The following ELL2 variants were observed in gnomAD, a reference collection of about 807,000 sequenced individuals.
ELL2 encodes the protein elongation factor for RNA polymerase II 2.
Under a neutral mutation model 72.8 loss-of-function variants are expected in ELL2, and 21 were observed. The ratio of observed to expected loss-of-function variants is 0.29; its 90% confidence interval spans 0.20 to 0.42. The LOEUF (loss-of-function observed/expected upper bound fraction) is 0.42, where lower values mean the gene tolerates loss of function less well. Among genes scored for constraint, ELL2 ranks in the 10% least tolerant of loss-of-function variants. ELL2 has a pLI of 1.00. For synonymous variants in ELL2, 266 were observed against 283.2 expected (o/e 0.94, Z 0.61); for missense variants, 568 against 772.8 (o/e 0.73, Z 3.14).
intron 1 of ELL2, 147 bp downstream of exon 1, chr5:95,961,428 T>TGCCCG: frequency 9.9e-7 from 1 of 1,011,776 alleles, no homozygotes; most frequent in Non-Finnish European, 1.3e-6. Flanking sequence ...TCAGCCACCC[T>TGCCCG]GCCCGGCCCT....
At chr5:95,907,347 TAACC>T (rs199581845) in intron 4 of ELL2, among the ~76,000 whole-genome samples, 7 of 147,838 alleles carry the variant, frequency 4.7e-5, no homozygotes, top group Admixed American at 1.3e-4. Context: ...AAAACAAAAC[TAACC>T]AACCAACCAA....
intron 1 of ELL2, among the ~76,000 whole-genome samples, chr5:95,944,190 TGAAAGA>T (rs1751072394): frequency 6.6e-6 from 1 of 151,944 alleles, no homozygotes; most frequent in African/African-American, 2.4e-5. Context: ...TTATAATAAA[TGAAAGA>T]GAAAGAGAAA....
At chr5:95,892,308 G>A (rs1370738737) in intron 9 of ELL2, among the ~76,000 whole-genome samples, 2 of 151,978 alleles carry the variant, frequency 1.3e-5, no homozygotes, top group Non-Finnish European at 2.9e-5. Flanking sequence ...CACCATGCCC[G>A]GCTAATTTTT....
intron 1 of ELL2, among the ~76,000 whole-genome samples, chr5:95,950,255 T>C (rs1050348332): frequency 3.3e-5 from 5 of 152,204 alleles, no homozygotes; most frequent in African/African-American, 1.2e-4. Flanking sequence ...CCTATGCTAT[T>C]TAAGAACTGG....
At chr5:95,954,478 CTCACTGCAAGCTCTGCCTCCCGGGT>C (rs1212707636) in intron 1 of ELL2, among the ~76,000 whole-genome samples, 1 of 147,518 alleles carries the variant, frequency 6.8e-6, no homozygotes, top group East Asian at 2.0e-4. Context: ...GCGATGTTGG[CTCACTGCAAGCTCTGCCTCCCGGGT>C]TCACACCATT....
chr5:95,898,119 G>T, intron 8 of ELL2, 121 bp downstream of exon 8: 8 of 680,540 alleles, frequency 1.2e-5, no homozygotes, highest in South Asian at 7.8e-5. Flanking sequence ...CTGCTCAAAA[G>T]CACAACACTA....
intron 8 of ELL2, among the ~76,000 whole-genome samples, chr5:95,896,412 A>AT (rs1302034083): frequency 1.3e-5 from 2 of 152,080 alleles, no homozygotes; most frequent in Non-Finnish European, 2.9e-5. Flanking sequence ...TATCAGGGTA[A>AT]TTTTTTATCA....
rs59880161 is a variant in ELL2 at position 95,905,747 on chromosome 5, GTT to G, written c.741+774_741+775del. On this transcript the variant is annotated intron_variant, in intron 5 of 11. Coordinates refer to ENST00000237853, the MANE Select transcript of ELL2 (RefSeq NM_012081.6). Reference sequence around the variant, plus strand: ...TGAATAACAGATCAAAACCTGTAGGGTTTTTTTTTTTTTTAAATGATGAGATT... The same window carrying G: ...TGAATAACAGATCAAAACCTGTAGGGTTTTTTTTTTTTAAATGATGAGATT... Among the ~76,000 whole-genome samples, 6 of 144,722 alleles carry G rather than the reference GTT, an allele frequency of 4.1e-5. No homozygotes were observed. The East Asian group carries it at 5.9e-4, about 14-fold the overall frequency. The allele number at this position is 144,722 out of a possible 152,430, so 94.9% of individuals were successfully genotyped here. A position where few individuals can be genotyped will look rare whatever the true frequency, so the allele number is the denominator to read the frequency against.
At position 95,887,729 on chromosome 5, in the gene ELL2, A is replaced by C. The variant is rs918036246; in HGVS notation, c.*1142T>G. 2.0e-4 allele frequency: 30 copies of C among 152,092 alleles called. No homozygotes were observed. The highest frequency in any genetic ancestry group is 7.0e-4 in the African/African-American group (29 of 41,244). The allele number at this position is 152,092 out of a possible 1,614,324, so 9.4% of individuals were successfully genotyped here. ...TTTTATATTCCTGGCACCAGGATGA[A>C]AAAAAAAATCTTTAAATATACCTCT... On this transcript the variant is annotated 3_prime_UTR_variant, in exon 12 of 12. Transcript: ENST00000237853.
intron 1 of ELL2, 43 bp downstream of exon 1, chr5:95,961,532 C>G (rs1289971134): frequency 1.3e-6 from 2 of 1,504,356 alleles, no homozygotes; most frequent in Non-Finnish European, 1.8e-6. Context: ...GTGAGGGGTG[C>G]GCTCTGCCTC....
At chr5:95,938,864 C>A (rs1459631645) in intron 2 of ELL2, among the ~76,000 whole-genome samples, 1 of 152,026 alleles carries the variant, frequency 6.6e-6, no homozygotes, top group East Asian at 1.9e-4. Flanking sequence ...TGAGTTAATA[C>A]CGAGGTCTAG....
rs1178547146 is a variant in ELL2 at position 95,898,392 on chromosome 5, G to T, written c.1373C>A (p.Ser458Tyr). ...PKPMEENHSMSHKKSKKKSKK... is the reference protein window; with the variant it reads ...PKPMEENHSMYHKKSKKKSKK... ...AGACTTCTTTTTGGACTTTTTGTGA[G>T]ACATTGAATGGTTTTCTTCCATAGG... Residue 458 changes from serine (S) to tyrosine (Y), a missense_variant, in exon 8 of 12, where the codon TCT (serine) becomes TAT (tyrosine). Ser to Tyr is a moderately radical substitution (Grantham distance 144). Around this residue, in one of 2 missense-constraint regions of ELL2, gnomAD observed 511 missense variants for 728.4 expected, o/e 0.70. Transcript: ENST00000237853. 1.5e-5 allele frequency: 25 copies of T among 1,613,158 alleles called. No homozygotes were observed. Among genetic ancestry groups the T allele is most frequent in the Non-Finnish European group, 2.0e-5 (24 of 1,179,854 alleles).
chr5:95,950,904 GTATATATATATATATATATATATATA>G (rs869036736), intron 1 of ELL2, among the ~76,000 whole-genome samples: 45 of 46,614 alleles, frequency 9.7e-4, no homozygotes, highest in Middle Eastern at 0.018. Context: ...GTATGTATGT[GTATATATATATATATATATATATATA>G]TATATATATA....
intron 2 of ELL2, among the ~76,000 whole-genome samples, chr5:95,939,146 T>A (rs957274454): frequency 6.6e-6 from 1 of 152,240 alleles, no homozygotes; most frequent in Non-Finnish European, 1.5e-5. Flanking sequence ...TGCCAAGATG[T>A]GACATTTTGT....
intron 3 of ELL2, among the ~76,000 whole-genome samples, chr5:95,915,089 A>G (rs1296295753): frequency 6.6e-6 from 1 of 152,196 alleles, no homozygotes; most frequent in Non-Finnish European, 1.5e-5. Flanking sequence ...CTTTGTTATA[A>G]TACAAAGAAA....
intron 2 of ELL2, among the ~76,000 whole-genome samples, chr5:95,927,454 C>T (rs1268695346): frequency 1.7e-4 from 8 of 46,114 alleles, no homozygotes; most frequent in African/African-American, 1.4e-3. Flanking sequence ...TAGACATACA[C>T]ACACACGTGT....
chr5:95,921,983 A>G (rs565404407), intron 2 of ELL2, among the ~76,000 whole-genome samples: 2 of 152,260 alleles, frequency 1.3e-5, no homozygotes, highest in Admixed American at 6.5e-5. Context: ...AGTTTTCCCT[A>G]CTGCATAGCT....
Position 95,939,108 on chromosome 5 carries a change from T to C in ELL2, c.195+3894A>G, listed in dbSNP as rs1360300809. Among the ~76,000 whole-genome samples the C allele has an allele frequency of 2.6e-5, 4 of 152,298 alleles. No individual in the cohort carries two copies. The East Asian group carries it at 7.7e-4, about 29-fold the overall frequency. On this transcript the variant is annotated intron_variant, in intron 2 of 11. Transcript: ENST00000237853. ...CACATGCACACACACAGTTCTTAAA[T>C]AGGTCTTCTGGAATTTTACACACCT...
chr5:95,913,206 T>A (rs545331666), intron 4 of ELL2: 1 of 152,328 alleles, frequency 6.6e-6, no homozygotes, highest in African/African-American at 2.4e-5. Context: ...TAGATGAGGA[T>A]GAGGATCACA....
Sources: allele counts gnomAD v4.1 joint callset (sites outside exome capture counted in the v4.1 genomes callset), GRCh38; gene constraint gnomAD v4.1.1; regional missense constraint gnomAD v4.1.1; transcripts MANE v1.5; gene names NCBI Gene and HGNC (gene_info 2026-07-23, HGNC 2026-07-21).